Variants in MARCHF11 observed in about 807,000 individuals in gnomAD.
MARCHF11 encodes the protein membrane associated ring-CH-type finger 11, also known as E3 ubiquitin-protein ligase MARCHF11.
In MARCHF11, 29 loss-of-function variants were observed where a neutral mutation model predicts 37.3. The ratio of observed to expected loss-of-function variants is 0.78; its 90% CI spans 0.58 to 1.06. The LOEUF (loss-of-function observed/expected upper bound fraction) is 1.06, where lower values mean the gene tolerates loss of function less well. MARCHF11 is among the 50% of genes least tolerant of loss of function. MARCHF11 has a pLI of 0.00. For synonymous variants in MARCHF11, 233 were observed against 228.0 expected, an observed-to-expected ratio of 1.02 and a Z score of -0.20; for missense variants, 482 against 533.4, an observed-to-expected ratio of 0.90 and a Z score of 0.95.
chr5:16,083,142 T>C (rs1014371916), intron 3 of MARCHF11, among the ~76,000 whole-genome samples: 2 of 152,196 alleles, frequency 1.3e-5, no homozygotes, highest in African/African-American at 4.8e-5. Flanking sequence ...GCTCTGCTTG[T>C]ACAGCTCTGA....
chr5:16,177,373 C>T (rs73046507), intron 2 of MARCHF11, among the ~76,000 whole-genome samples: 1,875 of 152,158 alleles, frequency 0.012, 45 homozygotes, highest in African/African-American at 0.043. Flanking sequence ...CTTAAGTTAA[C>T]AAAATATTAA....
intron 2 of MARCHF11, among the ~76,000 whole-genome samples, chr5:16,136,057 T>C (rs1737608893): frequency 6.6e-6 from 1 of 152,050 alleles, no homozygotes; most frequent in Non-Finnish European, 1.5e-5. Flanking sequence ...TTCCTGTCCA[T>C]TACTATGCCT....
At chr5:16,104,653 G>A (rs1433055537) in intron 2 of MARCHF11, among the ~76,000 whole-genome samples, 1 of 151,366 alleles carries the variant, frequency 6.6e-6, no homozygotes, top group Non-Finnish European at 1.5e-5. Context: ...CCAACAGAGA[G>A]GGAACCCCAA....
At chr5:16,082,687 A>G (rs895834287) in intron 3 of MARCHF11, among the ~76,000 whole-genome samples, 24 of 152,256 alleles carry the variant, frequency 1.6e-4, no homozygotes, top group African/African-American at 4.8e-4. Context: ...GTCTGGAGGG[A>G]AAATTGCAGT....
chr5:16,135,566 A>C (rs879801171), intron 2 of MARCHF11, among the ~76,000 whole-genome samples: 2 of 152,170 alleles, frequency 1.3e-5, no homozygotes, highest in Admixed American at 1.3e-4. Flanking sequence ...ATTACAAATA[A>C]TAGTACCTTT....
chr5:16,105,117 G>A (rs1191132040), intron 2 of MARCHF11, among the ~76,000 whole-genome samples: 1 of 152,200 alleles, frequency 6.6e-6, no homozygotes. Flanking sequence ...CAGTGTGTCT[G>A]GGCACTGCTG....
At chr5:16,113,228 A>G (rs1386209806) in intron 2 of MARCHF11, among the ~76,000 whole-genome samples, 1 of 152,230 alleles carries the variant, frequency 6.6e-6, no homozygotes, top group Non-Finnish European at 1.5e-5. Flanking sequence ...CTCTGTATAC[A>G]TTGGATTGAC....
chr5:16,179,286 G>A lies in MARCHF11; in HGVS notation c.290C>T (p.Ala97Val), dbSNP rs1261679081. The change falls in exon 1 of 4, where the codon GCG becomes GTG. Residue 97 changes from alanine (A) to valine (V), a missense_variant. Physicochemically the swap from Ala to Val is moderately conservative, Grantham distance 64. Transcript: ENST00000332432. ...ACCTTCCCCGGAGTCGCCGGCCGCCGCCACTTCCTGGCCGGCGGGCTGCAG... is the reference window on the plus strand; with the variant it reads ...ACCTTCCCCGGAGTCGCCGGCCGCCACCACTTCCTGGCCGGCGGGCTGCAG... ...LPLQPAGQEVAAAGDSGEGPR... is the reference protein window; with the variant it reads ...LPLQPAGQEVVAAGDSGEGPR... 3.1e-6 allele frequency: 4 copies of A among 1,290,224 alleles called. No individual in the cohort carries two copies. Among genetic ancestry groups the A allele is most frequent in the Non-Finnish European group, 2.0e-6 (2 of 1,018,880 alleles). 79.9% of individuals were successfully genotyped at this position (1,290,224 alleles called of 1,614,324 possible).
intron 2 of MARCHF11, among the ~76,000 whole-genome samples, chr5:16,112,836 G>A (rs567068534): frequency 5.9e-5 from 9 of 152,220 alleles, no homozygotes; most frequent in Non-Finnish European, 1.3e-4. Flanking sequence ...AATCATGGAG[G>A]TGGTTTCCCC....
At chr5:16,079,186 C>T (rs995257801) in intron 3 of MARCHF11, among the ~76,000 whole-genome samples, 2 of 152,184 alleles carry the variant, frequency 1.3e-5, no homozygotes, top group African/African-American at 4.8e-5. Context: ...TTGCCCCAGC[C>T]TGGGCCTTGC....
At chr5:16,161,821 G>A (rs563004964) in intron 2 of MARCHF11, among the ~76,000 whole-genome samples, 20 of 152,040 alleles carry the variant, frequency 1.3e-4, no homozygotes, top group African/African-American at 4.6e-4. Context: ...ATATTATCTT[G>A]AAAATTACAG....
At chr5:16,140,647 C>T (rs1164867100) in intron 2 of MARCHF11, among the ~76,000 whole-genome samples, 1 of 152,132 alleles carries the variant, frequency 6.6e-6, no homozygotes, top group East Asian at 1.9e-4. Context: ...ACAAAGACAG[C>T]ACATGCACAC....
chr5:16,068,225 G>C (rs1736380935), intron 3 of MARCHF11, among the ~76,000 whole-genome samples: 1 of 152,194 alleles, frequency 6.6e-6, no homozygotes, highest in African/African-American at 2.4e-5. Context: ...TGTCATTACA[G>C]ATACTAAGGT....
At chr5:16,081,132 A>G (rs1225052181) in intron 3 of MARCHF11, among the ~76,000 whole-genome samples, 1 of 152,146 alleles carries the variant, frequency 6.6e-6, no homozygotes. Flanking sequence ...GCTGGTCCTA[A>G]GTGTAATTAA....
At chr5:16,165,794 C>T (rs1738159155) in intron 2 of MARCHF11, among the ~76,000 whole-genome samples, 1 of 152,010 alleles carries the variant, frequency 6.6e-6, no homozygotes, top group Non-Finnish European at 1.5e-5. Flanking sequence ...AATTTGCTAG[C>T]CTTCTCGATT....
chr5:16,081,974 T>C (rs1003779554), intron 3 of MARCHF11, among the ~76,000 whole-genome samples: 1 of 152,166 alleles, frequency 6.6e-6, no homozygotes, highest in Non-Finnish European at 1.5e-5. Context: ...CATAACCAAC[T>C]ATGATAATAA....
chr5:16,107,292 G>A (rs916004252), intron 2 of MARCHF11, among the ~76,000 whole-genome samples: 3 of 151,542 alleles, frequency 2.0e-5, no homozygotes, highest in Non-Finnish European at 4.4e-5. Context: ...AATAAACTAA[G>A]TAGTTTGGAA....
Position 16,075,343 on chromosome 5 carries a change from C to A in MARCHF11, c.887-7550G>T, listed in dbSNP as rs531311327. 2.0e-5 allele frequency among the ~76,000 whole-genome samples: 3 copies of A among 152,310 alleles called. No homozygotes were observed. In the South Asian group the frequency reaches 6.2e-4, roughly 32 times the overall value. Reference sequence around the variant, plus strand: ...TTAATTATGCTTCAAGATCCAGATTCTCTCACAATTTCTTCTCTGATGTAC... The same window carrying A: ...TTAATTATGCTTCAAGATCCAGATTATCTCACAATTTCTTCTCTGATGTAC... On this transcript the variant is annotated intron_variant, in intron 3 of 3. Coordinates refer to ENST00000332432, the MANE Select transcript of MARCHF11 (RefSeq NM_001102562.3).
chr5:16,090,499 G>A (rs546618610), intron 3 of MARCHF11, among the ~76,000 whole-genome samples: 7 of 152,062 alleles, frequency 4.6e-5, no homozygotes, highest in African/African-American at 1.7e-4. Context: ...CTCCCCAAAC[G>A]CACAATACAG....
Sources: allele counts gnomAD v4.1 joint callset (sites outside exome capture counted in the v4.1 genomes callset), GRCh38; gene constraint gnomAD v4.1.1; transcripts MANE v1.5; gene names NCBI Gene and HGNC (gene_info 2026-07-23, HGNC 2026-07-21).